The following DISP1 variants were observed in gnomAD, a reference collection of about 807,000 sequenced individuals.
DISP1 encodes dispatched RND transporter family member 1, also known as protein dispatched homolog 1.
DISP1 carries 30 observed loss-of-function variants against 37.3 expected under a neutral mutation model. The ratio of observed to expected loss-of-function variants is 0.80; its 90% confidence interval spans 0.60 to 1.09. The LOEUF (loss-of-function observed/expected upper bound fraction) is 1.09. Ranked by LOEUF, DISP1 falls within the 50% of genes least tolerant of loss-of-function variation. The pLI is 0.00. For synonymous variants in DISP1, 634 were observed against 690.2 expected, an observed-to-expected ratio of 0.92 and a Z score of 1.28; for missense variants, 1,598 against 1,879.5, an observed-to-expected ratio of 0.85 and a Z score of 2.77.
At chr1:222,937,586 T>C (rs2125478183) in intron 2 of DISP1, among the ~76,000 whole-genome samples, 1 of 152,294 alleles carries the variant, frequency 6.6e-6, no homozygotes, top group East Asian at 1.9e-4. Context: ...AATCGAAAGA[T>C]GGTTTTTGGC....
rs1016926586 is a variant in DISP1 at position 222,871,304 on chromosome 1, G to C, written c.-159+56226G>C. 4.6e-5 allele frequency among the ~76,000 whole-genome samples: 7 copies of C among 152,256 alleles called. No homozygotes were observed. In the South Asian group the frequency reaches 1.0e-3, roughly 23 times the overall value. On this transcript the variant is annotated intron_variant, in intron 1 of 8. Transcript: ENST00000675850. ...TTTTTGGTTCCATATGAACTTTAAA[G>C]TAGTTTTTTCCAATTCTGTGAAGAA...
chr1:222,818,752 C>T (rs146498396), intron 1 of DISP1, among the ~76,000 whole-genome samples: 1 of 152,298 alleles, frequency 6.6e-6, no homozygotes, highest in Non-Finnish European at 1.5e-5. Context: ...ATCTCCTTTA[C>T]TTAAGGTCAA....
chr1:222,933,321 A>G lies in DISP1; in HGVS notation c.-18+4751A>G, dbSNP rs1216817805. The stretch of plus-strand genomic sequence containing the variant: ...TCCATATATCTTAGTTCCTCTGTCA[A>G]TATATATCATGTATGTAATCATATT... On this transcript the variant is annotated intron_variant, in intron 2 of 8. Transcript: ENST00000675850. 3.3e-5 allele frequency among the ~76,000 whole-genome samples: 5 copies of G among 151,928 alleles called. No homozygotes were observed. In the East Asian group the frequency reaches 9.6e-4, roughly 29 times the overall value.
At chr1:222,838,938 G>A (rs1667420609) in intron 1 of DISP1, among the ~76,000 whole-genome samples, 4 of 151,874 alleles carry the variant, frequency 2.6e-5, no homozygotes, top group African/African-American at 9.7e-5. Flanking sequence ...ATTTGATTTG[G>A]TTTCTTTATT....
chr1:222,989,280 T>G, intron 4 of DISP1: 102 of 731,042 alleles, frequency 1.4e-4, no homozygotes, highest in Middle Eastern at 1.5e-3. Context: ...AGCAGCCAAA[T>G]GAGCTAACAT....
At chr1:222,902,454 G>C (rs1671649969) in intron 1 of DISP1, among the ~76,000 whole-genome samples, 1 of 152,136 alleles carries the variant, frequency 6.6e-6, no homozygotes, top group South Asian at 2.1e-4. Context: ...ATTGACAAAT[G>C]GGATCTAATT....
At chr1:222,902,512 C>A (rs1671653084) in intron 1 of DISP1, among the ~76,000 whole-genome samples, 1 of 152,132 alleles carries the variant, frequency 6.6e-6, no homozygotes, top group Non-Finnish European at 1.5e-5. Context: ...TCAGAGTGAA[C>A]AGGCAACCTA....
intron 1 of DISP1, among the ~76,000 whole-genome samples, chr1:222,876,940 A>ATTAGTCTC (rs1670003781): frequency 6.6e-6 from 1 of 152,216 alleles, no homozygotes; most frequent in Non-Finnish European, 1.5e-5. Flanking sequence ...GGTTATTCAT[A>ATTAGTCTC]TTAGTCTCTT....
chr1:222,991,047 C>T (rs1423464869), intron 5 of DISP1, among the ~76,000 whole-genome samples: 1 of 152,184 alleles, frequency 6.6e-6, no homozygotes, highest in African/African-American at 2.4e-5. Flanking sequence ...GTCTTTAACA[C>T]TGTCTCTGTT....
intron 1 of DISP1, among the ~76,000 whole-genome samples, chr1:222,868,102 G>A (rs1669301551): frequency 2.0e-5 from 3 of 152,058 alleles, no homozygotes; most frequent in South Asian, 4.1e-4. Flanking sequence ...GACTAGATTA[G>A]CCAGGCACGG....
rs536695121 is a variant in DISP1 at position 222,894,505 on chromosome 1, C to T, written c.-158-33925C>T. Among the ~76,000 whole-genome samples, 438 of 152,362 alleles carry T rather than the reference C, an allele frequency of 2.9e-3. 2 individuals carry two copies. The highest frequency in any genetic ancestry group is 1.0e-2 in the African/African-American group (414 of 41,600). Reference sequence around the variant, plus strand: ...CCCGGGTTGCGACAGCGCCTGGACTCGGCTTCAACTTTGCTCCCAAATCAG... The same window carrying T: ...CCCGGGTTGCGACAGCGCCTGGACTTGGCTTCAACTTTGCTCCCAAATCAG... On this transcript the variant is annotated intron_variant, in intron 1 of 8. Transcript: ENST00000675850.
chr1:223,005,738 T>C lies in DISP1; in HGVS notation c.4341T>C (p.Asp1447=), dbSNP rs200948471. The C allele has an allele frequency of 2.7e-5, 44 of 1,613,868 alleles. No individual in the cohort carries two copies. Among genetic ancestry groups the C allele is most frequent in the Non-Finnish European group, 3.3e-5 (39 of 1,180,024 alleles). ...TGGAGCTGAGCTTGTCACAGACGGATGCAAGTGTGAACTCAGAACATTTCA... is the reference window on the plus strand; with the variant it reads ...TGGAGCTGAGCTTGTCACAGACGGACGCAAGTGTGAACTCAGAACATTTCA... The part of the protein sequence containing the change: ...GKVELSLSQT[D]ASVNSEHFNQ... Residue 1447 remains aspartate, a synonymous_variant, in exon 9 of 9, where the codon GAT becomes GAC. Transcript: ENST00000675850.
intron 1 of DISP1, among the ~76,000 whole-genome samples, chr1:222,901,904 T>TA (rs1671609446): frequency 6.6e-6 from 1 of 152,222 alleles, no homozygotes; most frequent in African/African-American, 2.4e-5. Flanking sequence ...AAGTGTGAGA[T>TA]ATAAGAATCA....
chr1:222,820,615 G>T (rs1344567510), intron 1 of DISP1, among the ~76,000 whole-genome samples: 1 of 152,204 alleles, frequency 6.6e-6, no homozygotes, highest in African/African-American at 2.4e-5. Flanking sequence ...GCATGAATTT[G>T]AGCTGAATTA....
At chr1:222,983,168 C>A in intron 4 of DISP1, 59 bp downstream of exon 4, 1 of 1,246,612 alleles carries the variant, frequency 8.0e-7, no homozygotes, top group Non-Finnish European at 1.2e-6. Flanking sequence ...TTTTTCCAGT[C>A]TAGTATTTTC....
At chr1:222,892,466 G>A (rs947480299) in intron 1 of DISP1, among the ~76,000 whole-genome samples, 14 of 152,118 alleles carry the variant, frequency 9.2e-5, no homozygotes, top group Admixed American at 6.5e-5. Context: ...GTGGTGTCCC[G>A]AGAAATAATA....
At chr1:222,846,741 T>C (rs771645929) in intron 1 of DISP1, among the ~76,000 whole-genome samples, 24 of 152,246 alleles carry the variant, frequency 1.6e-4, no homozygotes, top group Non-Finnish European at 2.9e-4. Context: ...TTCTCCATTG[T>C]GATGAATGGA....
chr1:222,915,297 C>G (rs746392423), intron 1 of DISP1, among the ~76,000 whole-genome samples: 14 of 152,166 alleles, frequency 9.2e-5, no homozygotes, highest in South Asian at 4.1e-4. Context: ...GAGCTTGACG[C>G]TTGATGCTGG....
intron 1 of DISP1, among the ~76,000 whole-genome samples, chr1:222,922,970 G>T (rs1672889533): frequency 6.6e-6 from 1 of 152,092 alleles, no homozygotes; most frequent in Admixed American, 6.6e-5. Flanking sequence ...GGACCACTGG[G>T]TTTCATTTTT....
Sources: allele counts gnomAD v4.1 joint callset (sites outside exome capture counted in the v4.1 genomes callset), GRCh38; gene constraint gnomAD v4.1.1; transcripts MANE v1.5; gene names NCBI Gene and HGNC (gene_info 2026-07-23, HGNC 2026-07-21).